The following TMEM182 variants were observed in gnomAD, a reference collection of about 807,000 sequenced individuals.
The protein encoded by TMEM182 is transmembrane protein 182.
In TMEM182, 20 loss-of-function variants were observed where a neutral mutation model predicts 26.8. The observed-to-expected ratio is 0.75, with a 90% CI of 0.53 to 1.09. The LOEUF (loss-of-function observed/expected upper bound fraction) is 1.09. Among genes scored for constraint, TMEM182 ranks in the 50% least tolerant of loss-of-function variants. TMEM182 has a pLI of 0.00. For synonymous variants in TMEM182, 109 were observed against 102.2 expected, an observed-to-expected ratio of 1.07 and a Z score of -0.40; for missense variants, 277 against 275.5, an observed-to-expected ratio of 1.01 and a Z score of -0.04.
At chr2:102,744,472 G>A (rs2104630728) in intron 1 of TMEM182, among the ~76,000 whole-genome samples, 1 of 152,218 alleles carries the variant, frequency 6.6e-6, no homozygotes, top group South Asian at 2.1e-4. Flanking sequence ...GGTAATTTAT[G>A]CTGCCATCTT....
chr2:102,748,969 T>C (rs1004357325), intron 1 of TMEM182, among the ~76,000 whole-genome samples: 1 of 152,180 alleles, frequency 6.6e-6, no homozygotes, highest in Non-Finnish European at 1.5e-5. Flanking sequence ...AAATAAATAA[T>C]GTATGACACA....
chr2:102,794,905 C>G (rs1429843655), intron 3 of TMEM182, among the ~76,000 whole-genome samples: 1 of 152,160 alleles, frequency 6.6e-6, no homozygotes, highest in Non-Finnish European at 1.5e-5. Flanking sequence ...TCTACGGCCT[C>G]TGCTTTAGGA....
At chr2:102,828,802 G>A (rs1263906748) in intron 3 of TMEM182, among the ~76,000 whole-genome samples, 1 of 152,156 alleles carries the variant, frequency 6.6e-6, no homozygotes, top group Non-Finnish European at 1.5e-5. Flanking sequence ...TTTGCCCAGG[G>A]CAGGGTCACT....
At chr2:102,747,570 A>T (rs549064358) in intron 1 of TMEM182, among the ~76,000 whole-genome samples, 29 of 152,310 alleles carry the variant, frequency 1.9e-4, no homozygotes, top group Admixed American at 1.1e-3. Flanking sequence ...TCAGGTAGGT[A>T]TATAGTAGGT....
upstream of TMEM182, among the ~76,000 whole-genome samples, chr2:102,758,662 G>A (rs1203837188): frequency 6.6e-6 from 1 of 152,110 alleles, no homozygotes; most frequent in South Asian, 2.1e-4. Flanking sequence ...TTGCTCAGGA[G>A]GTCATGTATT....
upstream of TMEM182, chr2:102,758,455 AC>A (rs1268015077): frequency 1.4e-6 from 1 of 716,628 alleles, no homozygotes; most frequent in Non-Finnish European, 2.6e-6. Flanking sequence ...GAAAAAAGAC[AC>A]CTTTTACCTC....
downstream of TMEM182, among the ~76,000 whole-genome samples, chr2:102,820,349 G>GATACATATTATATGTATCTAGTT (rs1682894656): frequency 6.6e-6 from 1 of 152,182 alleles, no homozygotes; most frequent in Non-Finnish European, 1.5e-5. Context: ...AATGGCACTA[G>GATACATATTATATGTATCTAGTT]ATGTTAGATA....
intron 3 of TMEM182, among the ~76,000 whole-genome samples, chr2:102,835,514 C>A (rs1683228092): frequency 6.6e-6 from 1 of 152,046 alleles, no homozygotes; most frequent in African/African-American, 2.4e-5. Flanking sequence ...TGGTGCTGTA[C>A]AGTCTTGGTG....
At chr2:102,822,451 A>T (rs1302866680), downstream of TMEM182, among the ~76,000 whole-genome samples, 2 of 152,198 alleles carry the variant, frequency 1.3e-5, no homozygotes, top group African/African-American at 2.4e-5. Context: ...TGAGTAGGAC[A>T]AGGAAAAAAG....
At chr2:102,812,429 ACT>A (rs1553443834) in intron 4 of TMEM182, among the ~76,000 whole-genome samples, 2 of 138,100 alleles carry the variant, frequency 1.4e-5, no homozygotes, top group African/African-American at 5.3e-5. Flanking sequence ...ACACACACAC[ACT>A]GGTTTACCCC....
At position 102,776,375 on chromosome 2, in the gene TMEM182, G is replaced by A. The variant is rs532054231; in HGVS notation, c.331+11948G>A. Among the ~76,000 whole-genome samples the A allele has an allele frequency of 9.9e-5, 15 of 152,152 alleles. No individual in the cohort carries two copies. In the South Asian group the frequency reaches 2.9e-3, roughly 29 times the overall value. On this transcript the variant is annotated intron_variant, in intron 3 of 4. Coordinates refer to ENST00000412401, the MANE Select transcript of TMEM182 (RefSeq NM_144632.5). ...CAACCACTGATCTTTTTGCTTCATC[G>A]TTTTACCTTTTTCAGAATGTCGTAT...
At chr2:102,840,908 C>T (rs1173880372) in intron 3 of TMEM182, among the ~76,000 whole-genome samples, 1 of 152,228 alleles carries the variant, frequency 6.6e-6, no homozygotes, top group Non-Finnish European at 1.5e-5. Flanking sequence ...AATTACTATC[C>T]TGCCTAGTGA....
upstream of TMEM182, chr2:102,758,560 C>G: frequency 1.4e-6 from 1 of 703,542 alleles, no homozygotes; most frequent in Non-Finnish European, 2.6e-6. Flanking sequence ...AGGAAACATG[C>G]ACCCTGCTAA....
At chr2:102,790,376 A>G (rs1681584025) in intron 3 of TMEM182, among the ~76,000 whole-genome samples, 1 of 152,182 alleles carries the variant, frequency 6.6e-6, no homozygotes, top group Non-Finnish European at 1.5e-5. Flanking sequence ...GCTTTTGCCT[A>G]TCATCTAAAT....
At chr2:102,813,900 C>T (rs1370595434) in intron 4 of TMEM182, among the ~76,000 whole-genome samples, 1 of 151,350 alleles carries the variant, frequency 6.6e-6, no homozygotes, top group Non-Finnish European at 1.5e-5. Context: ...CTCCCTCTGT[C>T]CCTCCTTCCT....
chr2:102,773,738 G>A (rs1680781051), intron 3 of TMEM182, among the ~76,000 whole-genome samples: 1 of 152,090 alleles, frequency 6.6e-6, no homozygotes, highest in Non-Finnish European at 1.5e-5. Flanking sequence ...CTATGGAAAG[G>A]CAAGGGAGGA....
chr2:102,738,821 A>G (rs1270578986), intron 1 of TMEM182, among the ~76,000 whole-genome samples: 1 of 152,194 alleles, frequency 6.6e-6, no homozygotes, highest in African/African-American at 2.4e-5. Flanking sequence ...GTTGAAATTT[A>G]GACTCAAAGA....
At chr2:102,758,554 A>G (rs1442590819), upstream of TMEM182, 1 of 708,592 alleles carries the variant, frequency 1.4e-6, no homozygotes, top group Non-Finnish European at 2.6e-6. Flanking sequence ...CTGTACAGGA[A>G]ACATGCACCC....
In TMEM182 at chr2:102,742,659, A is replaced by G. The variant is rs1338097929; in HGVS notation, c.-83+5646A>G. ...ACACAGAAAACTGAAAACAGAGAAA[A>G]TCTTGAAATAAGCCAGAGAATACAA... On this transcript the variant is annotated intron_variant, in intron 1 of 5. Transcript: ENST00000409173. 2.0e-5 allele frequency among the ~76,000 whole-genome samples: 3 copies of G among 152,214 alleles called. No homozygotes were observed. In the East Asian group the frequency reaches 5.8e-4, roughly 29 times the overall value.
Sources: gnomAD v4.1 joint callset for allele counts (sites outside exome capture counted in the v4.1 genomes callset) on GRCh38, gnomAD v4.1.1 for gene constraint, MANE v1.5 for transcripts, NCBI Gene and HGNC (gene_info 2026-07-23, HGNC 2026-07-21) for gene names.